ANO2: variants seen among roughly 807,000 people sequenced by gnomAD.
ANO2 encodes anoctamin-2.
In ANO2, 101 loss-of-function variants were observed where a neutral mutation model predicts 124.2. The observed-to-expected ratio is 0.81, with a 90% confidence interval of 0.69 to 0.96. ANO2 has a LOEUF of 0.96. ANO2 is among the 40% of genes least tolerant of loss of function. ANO2 has a pLI of 0.00. For synonymous variants in ANO2, 486 were observed against 482.5 expected (o/e 1.01, Z -0.09); for missense variants, 1,293 against 1,274.5 (o/e 1.01, Z -0.22).
intron 16 of ANO2, among the ~76,000 whole-genome samples, chr12:5,620,644 T>C (rs951812163): frequency 6.6e-5 from 10 of 152,132 alleles, no homozygotes; most frequent in African/African-American, 2.2e-4. Context: ...TGGAATTCTA[T>C]AGGAGTTGAA....
At chr12:5,793,533 G>C (rs1952757789) in intron 10 of ANO2, among the ~76,000 whole-genome samples, 1 of 152,114 alleles carries the variant, frequency 6.6e-6, no homozygotes, top group Non-Finnish European at 1.5e-5. Flanking sequence ...TTCCTCCCTG[G>C]GGCATGACAT....
intron 12 of ANO2, among the ~76,000 whole-genome samples, chr12:5,742,139 G>A (rs536069116): frequency 2.6e-5 from 4 of 152,082 alleles, no homozygotes; most frequent in South Asian, 2.1e-4. Context: ...CGCCCCTTCC[G>A]CTGCCACCAG....
intron 11 of ANO2, among the ~76,000 whole-genome samples, chr12:5,750,619 A>G (rs1951404172): frequency 6.6e-6 from 1 of 152,246 alleles, no homozygotes; most frequent in Non-Finnish European, 1.5e-5. Flanking sequence ...CTTGACTAGA[A>G]GAGGAAGTAG....
intron 19 of ANO2, among the ~76,000 whole-genome samples, chr12:5,602,396 A>G (rs1289831579): frequency 6.6e-6 from 1 of 152,078 alleles, no homozygotes; most frequent in Non-Finnish European, 1.5e-5. Flanking sequence ...GACTACAGGC[A>G]TGCACCACCA....
chr12:5,765,343 G>A (rs1479947524), intron 10 of ANO2, among the ~76,000 whole-genome samples: 1 of 152,036 alleles, frequency 6.6e-6, no homozygotes, highest in Non-Finnish European at 1.5e-5. Context: ...GTGACTTGTG[G>A]GAAAATGAGA....
At chr12:5,573,568 A>G (rs948972801) in intron 23 of ANO2, among the ~76,000 whole-genome samples, 4 of 152,172 alleles carry the variant, frequency 2.6e-5, no homozygotes, top group African/African-American at 9.7e-5. Context: ...GGGTCTGCAG[A>G]CCCAAGTCCA....
chr12:5,877,232 C>G (rs1194449429), intron 3 of ANO2, among the ~76,000 whole-genome samples: 1 of 152,086 alleles, frequency 6.6e-6, no homozygotes, highest in African/African-American at 2.4e-5. Flanking sequence ...CACAGAGACA[C>G]ACAGAGAGAA....
chr12:5,730,641 T>C (rs1016097339), intron 14 of ANO2, among the ~76,000 whole-genome samples: 18 of 152,232 alleles, frequency 1.2e-4, no homozygotes, highest in African/African-American at 4.3e-4. Context: ...AGCAATGCTA[T>C]GCGGTGGGTA....
intron 20 of ANO2, among the ~76,000 whole-genome samples, chr12:5,596,573 T>A (rs947209519): frequency 6.6e-6 from 1 of 152,190 alleles, no homozygotes; most frequent in Non-Finnish European, 1.5e-5. Flanking sequence ...ATGGTCTGAA[T>A]CTCACTCTCT....
chr12:5,728,411 AAAAAT>A (rs1319366935), intron 14 of ANO2, among the ~76,000 whole-genome samples: 2 of 152,278 alleles, frequency 1.3e-5, no homozygotes, highest in African/African-American at 4.8e-5. Flanking sequence ...ATAGCATCAA[AAAAAT>A]AAAATAATTA....
intron 17 of ANO2, among the ~76,000 whole-genome samples, chr12:5,613,331 T>C (rs1944641135): frequency 6.6e-6 from 1 of 152,146 alleles, no homozygotes; most frequent in South Asian, 2.1e-4. Flanking sequence ...ACAGCTCTGG[T>C]TGCAACTCCT....
intron 20 of ANO2, among the ~76,000 whole-genome samples, chr12:5,580,855 C>G (rs957948624): frequency 2.0e-5 from 3 of 152,130 alleles, no homozygotes; most frequent in South Asian, 4.1e-4. Context: ...CCTGCAGGCC[C>G]TAGGAGGCCG....
At chr12:5,805,273 G>C (rs757776449) in intron 9 of ANO2, among the ~76,000 whole-genome samples, 3 of 152,206 alleles carry the variant, frequency 2.0e-5, no homozygotes, top group Non-Finnish European at 2.9e-5. Flanking sequence ...AGACAACAGA[G>C]TGGGGGAGGG....
chr12:5,675,823 T>C (rs975788160), intron 14 of ANO2, among the ~76,000 whole-genome samples: 1 of 152,202 alleles, frequency 6.6e-6, no homozygotes, highest in African/African-American at 2.4e-5. Flanking sequence ...CTGTGGCCAT[T>C]TGTGCAACTC....
At chr12:5,689,173 T>C (rs4930784) in intron 14 of ANO2, among the ~76,000 whole-genome samples, 18,164 of 152,062 alleles carry the variant, frequency 0.12, 1,226 homozygotes, top group African/African-American at 0.19. Context: ...TCAAGAAGAA[T>C]GGTCTTGAGA....
chr12:5,635,599 TCACACA>T lies in ANO2; in HGVS notation c.1621-258_1621-253del, dbSNP rs60128304. Among the ~76,000 whole-genome samples, 6 of 146,792 alleles carry T rather than the reference TCACACA, an allele frequency of 4.1e-5. No individual in the cohort carries two copies. Among genetic ancestry groups the T allele is most frequent in the Admixed American group, 1.4e-4 (2 of 14,700 alleles). ...TTTTTGTCAGATTCCAAATGATTTA[TCACACA>T]CACACACACACACACACACACACAA... On this transcript the variant is annotated intron_variant, in intron 15 of 24. Coordinates refer to ENST00000682330, the MANE Select transcript of ANO2 (RefSeq NM_001364791.2). The surrounding 1 kb of genome is among the most constrained non-coding windows in gnomAD (Gnocchi z 5.2).
intron 3 of ANO2, among the ~76,000 whole-genome samples, chr12:5,896,328 CAACT>C (rs1410853093): frequency 6.6e-6 from 1 of 151,428 alleles, no homozygotes; most frequent in Non-Finnish European, 1.5e-5. Flanking sequence ...CCTAGATCAA[CAACT>C]AATAAAATCA....
intron 3 of ANO2, among the ~76,000 whole-genome samples, chr12:5,907,147 G>A (rs1259864366): frequency 4.6e-5 from 7 of 152,184 alleles, no homozygotes. Context: ...ATCTCCTGCA[G>A]CCAACAGTAT....
intron 14 of ANO2, among the ~76,000 whole-genome samples, chr12:5,698,230 T>TC (rs1165610429): frequency 6.6e-6 from 1 of 152,070 alleles, no homozygotes; most frequent in African/African-American, 2.4e-5. Context: ...CATGGCTGGG[T>TC]CCCCCTCTGA....
Sources: gnomAD v4.1 joint callset for allele counts (sites outside exome capture counted in the v4.1 genomes callset) on GRCh38, gnomAD v4.1.1 for gene constraint, Gnocchi (gnomAD v3.1) non-coding constraint, MANE v1.5 for transcripts, NCBI Gene and HGNC (gene_info 2026-07-23, HGNC 2026-07-21) for gene names.